The following ARHGAP44 variants were observed in gnomAD, a reference collection of about 807,000 sequenced individuals.
ARHGAP44 encodes the protein rho GTPase-activating protein 44.
A neutral mutation model predicts 106.8 loss-of-function variants in ARHGAP44; 43 were observed. The ratio of observed to expected loss-of-function variants is 0.40; its 90% CI spans 0.32 to 0.52. The LOEUF is 0.52. ARHGAP44 is among the 20% of genes least tolerant of loss of function. ARHGAP44 has a pLI of 0.48. For missense variants in ARHGAP44, 866 were observed against 1,050.5 expected (o/e 0.82, Z 2.43); for synonymous variants, 439 against 410.3 (o/e 1.07, Z -0.85).
chr17:12,906,508 G>A (rs934880865), intron 3 of ARHGAP44, among the ~76,000 whole-genome samples: 5 of 152,132 alleles, frequency 3.3e-5, no homozygotes, highest in Non-Finnish European at 7.4e-5. Context: ...AAAATGGCTC[G>A]AAGAACTCAG....
chr17:12,850,611 G>C (rs2035712484), intron 1 of ARHGAP44, among the ~76,000 whole-genome samples: 1 of 151,836 alleles, frequency 6.6e-6, no homozygotes. Flanking sequence ...TCCAGAAAGA[G>C]AGTCTCACCC....
intron 6 of ARHGAP44, among the ~76,000 whole-genome samples, chr17:12,924,688 T>C (rs2038182998): frequency 6.6e-6 from 1 of 152,166 alleles, no homozygotes; most frequent in Non-Finnish European, 1.5e-5. Context: ...GGCCCCTATT[T>C]CACTAGGATT....
In ARHGAP44 at chr17:12,959,000, C is replaced by A. The variant is rs752138529; in HGVS notation, c.1523+103C>A. 8 of 1,344,832 alleles carry A rather than the reference C, an allele frequency of 5.9e-6. No individual in the cohort carries two copies. The Admixed American group carries it at 1.4e-4, about 23-fold the overall frequency. 83.3% of individuals were successfully genotyped at this position (1,344,832 alleles called of 1,614,324 possible). On this transcript the variant is annotated intron_variant, in intron 16 of 20. Transcript: ENST00000379672. The surrounding 1 kb of genome is among the most constrained non-coding windows in gnomAD (Gnocchi z 4.1). The stretch of plus-strand genomic sequence containing the variant: ...TACAATTACGGGAAGGCTGCACTGA[C>A]TCTCAGCAGTTTAGGTGACTCGTAG...
intron 10 of ARHGAP44, among the ~76,000 whole-genome samples, chr17:12,946,486 A>AG (rs2038854582): frequency 6.6e-6 from 1 of 151,180 alleles, no homozygotes; most frequent in East Asian, 1.9e-4. Context: ...TCTAAAAAAA[A>AG]AAAAAAAGAA....
intron 7 of ARHGAP44, among the ~76,000 whole-genome samples, chr17:12,936,104 A>G (rs1452127909): frequency 6.6e-6 from 1 of 152,204 alleles, no homozygotes; most frequent in Admixed American, 6.5e-5. Flanking sequence ...GGCCTCCCAT[A>G]TATGTCATTC....
chr17:12,854,389 T>C (rs1304329989), intron 1 of ARHGAP44, among the ~76,000 whole-genome samples: 1 of 150,322 alleles, frequency 6.7e-6, no homozygotes, highest in East Asian at 1.9e-4. Flanking sequence ...TTTCTAACCA[T>C]TTTTCCCCCC....
At chr17:12,833,938 G>A (rs1368539800) in intron 1 of ARHGAP44, among the ~76,000 whole-genome samples, 1 of 149,866 alleles carries the variant, frequency 6.7e-6, no homozygotes, top group Non-Finnish European at 1.5e-5. Flanking sequence ...AGGCTTCAGA[G>A]AGAATAGATT....
intron 1 of ARHGAP44, among the ~76,000 whole-genome samples, chr17:12,834,845 T>G (rs1286696150): frequency 6.9e-6 from 1 of 144,028 alleles, no homozygotes; most frequent in Admixed American, 6.8e-5. Flanking sequence ...CATCTCCTTA[T>G]TATTAATAAT....
intron 10 of ARHGAP44, among the ~76,000 whole-genome samples, chr17:12,944,837 TCTC>T (rs1274000769): frequency 6.6e-6 from 1 of 151,790 alleles, no homozygotes; most frequent in African/African-American, 2.4e-5. Context: ...TCATCTTCCT[TCTC>T]TTCTTCTGCC....
At chr17:12,873,903 CAAAA>C (rs199944479) in intron 1 of ARHGAP44, among the ~76,000 whole-genome samples, 3,294 of 130,950 alleles carry the variant, frequency 0.025, 135 homozygotes, top group African/African-American at 0.086. Flanking sequence ...AACTCAGTCT[CAAAA>C]AATAAATAAA....
At chr17:12,936,357 C>T (rs2038548611) in intron 7 of ARHGAP44, among the ~76,000 whole-genome samples, 2 of 152,138 alleles carry the variant, frequency 1.3e-5, no homozygotes, top group African/African-American at 4.8e-5. Context: ...CCTATTTATT[C>T]CTCCCTGCTG....
intron 1 of ARHGAP44, among the ~76,000 whole-genome samples, chr17:12,824,776 C>T (rs1324803644): frequency 6.6e-6 from 1 of 151,854 alleles, no homozygotes; most frequent in Non-Finnish European, 1.5e-5. Flanking sequence ...CTAGCCTCCC[C>T]TCGTACGTCC....
intron 1 of ARHGAP44, among the ~76,000 whole-genome samples, chr17:12,796,652 G>A (rs60200456): frequency 0.29 from 43,088 of 150,970 alleles, 8,364 homozygotes; most frequent in African/African-American, 0.55. Context: ...CCTGGAGTGC[G>A]GTGGCATGAT....
chr17:12,946,874 A>T (rs998912577), intron 10 of ARHGAP44, among the ~76,000 whole-genome samples: 5 of 152,028 alleles, frequency 3.3e-5, no homozygotes, highest in African/African-American at 9.7e-5. Flanking sequence ...AATCAACATA[A>T]ACTGGTTTTT....
At chr17:12,862,046 T>C (rs1343670153) in intron 1 of ARHGAP44, among the ~76,000 whole-genome samples, 1 of 152,166 alleles carries the variant, frequency 6.6e-6, no homozygotes, top group African/African-American at 2.4e-5. Flanking sequence ...TCCTTTGCCA[T>C]GTAAGGTAAC....
At chr17:12,824,295 A>G (rs1432057467) in intron 1 of ARHGAP44, among the ~76,000 whole-genome samples, 3 of 152,092 alleles carry the variant, frequency 2.0e-5, no homozygotes, top group Non-Finnish European at 4.4e-5. Context: ...CAGAGGAGTG[A>G]TATGATTTTG....
At chr17:12,959,689 A>G (rs913823413) in intron 16 of ARHGAP44, among the ~76,000 whole-genome samples, 2 of 152,220 alleles carry the variant, frequency 1.3e-5, no homozygotes, top group Non-Finnish European at 2.9e-5. Flanking sequence ...TACCTCTTAC[A>G]GGAGGGGATC....
chr17:12,831,622 A>G (rs1271305232), intron 1 of ARHGAP44, among the ~76,000 whole-genome samples: 5 of 152,170 alleles, frequency 3.3e-5, no homozygotes, highest in African/African-American at 4.8e-5. Context: ...CAACCCTCCC[A>G]TCGAGGCCCT....
At chr17:12,884,221 G>T (rs190734049) in intron 1 of ARHGAP44, among the ~76,000 whole-genome samples, 2 of 152,004 alleles carry the variant, frequency 1.3e-5, no homozygotes, top group Non-Finnish European at 2.9e-5. Context: ...CTTTTAACTA[G>T]AATATTTAGT....
Sources: gnomAD v4.1 joint callset for allele counts (sites outside exome capture counted in the v4.1 genomes callset) on GRCh38, gnomAD v4.1.1 for gene constraint, Gnocchi (gnomAD v3.1) non-coding constraint, MANE v1.5 for transcripts, NCBI Gene and HGNC (gene_info 2026-07-23, HGNC 2026-07-21) for gene names.